Variants in TRIOBP observed in about 807,000 individuals in gnomAD.
TRIOBP encodes the protein TRIO and F-actin-binding protein.
TRIOBP carries 169 observed loss-of-function variants against 238.8 expected under a neutral mutation model. That is an observed-to-expected ratio of 0.71 (90% CI 0.62 to 0.80). The LOEUF is 0.80. TRIOBP is among the 30% of genes least tolerant of loss of function. The pLI, the probability that TRIOBP is intolerant of heterozygous loss-of-function variation, is 0.00. For missense variants in TRIOBP, 2,838 were observed against 3,122.6 expected, an observed-to-expected ratio of 0.91 and a Z score of 2.17; for synonymous variants, 1,150 against 1,274.4, an observed-to-expected ratio of 0.90 and a Z score of 2.08.
chr22:37,772,607 C>T lies in TRIOBP; in HGVS notation c.6943C>T (p.Arg2315Cys), dbSNP rs757352919. 5.6e-6 allele frequency: 9 copies of T among 1,613,934 alleles called. No individual in the cohort carries two copies. Among genetic ancestry groups the T allele is most frequent in the African/African-American group, 4.0e-5 (3 of 74,906 alleles). ...CCTGCCTCCTGCCCCCCAGGACAAG[C>T]GCTTCACCTCGGGAAAGTACCAGGA... Reference protein sequence around the residue: ...DELQMMQKDKRFTSGKYQDVY... With the variant: ...DELQMMQKDKCFTSGKYQDVY... Residue 2315 changes from arginine (R) to cysteine (C), a missense_variant, in exon 23 of 24, where the codon CGC becomes TGC. This residue lies in a region of TRIOBP where 2,096 missense variants were observed against 2,137.4 expected (regional missense o/e 0.98). Coordinates refer to ENST00000644935, the MANE Select transcript of TRIOBP (RefSeq NM_001039141.3).
chr22:37,726,306 G>C lies in TRIOBP; in HGVS notation c.3750G>C (p.Gly1250=), dbSNP rs771148338. Residue 1250 remains glycine, a synonymous_variant, in exon 7 of 24, where the codon GGG becomes GGC. Coordinates refer to ENST00000644935, the MANE Select transcript of TRIOBP (RefSeq NM_001039141.3). ...CCTCACCTTCACCGGGCAGCTCTGGGGGCTCCCGGGGCTCAGCGCCTCCCG... is the reference window on the plus strand; with the variant it reads ...CCTCACCTTCACCGGGCAGCTCTGGCGGCTCCCGGGGCTCAGCGCCTCCCG... The part of the protein sequence containing the change: ...LAPSPSPGSS[G]GSRGSAPPGE... The C allele has an allele frequency of 6.2e-7, 1 of 1,612,772 alleles. No individual in the cohort carries two copies. The highest frequency in any genetic ancestry group is 8.5e-7 in the Non-Finnish European group (1 of 1,179,920).
intron 17 of TRIOBP, among the ~76,000 whole-genome samples, chr22:37,760,922 A>G (rs1926208343): frequency 6.6e-6 from 1 of 151,346 alleles, no homozygotes. Context: ...CAGTGAGCCG[A>G]GATTGCGCCA....
At chr22:37,758,749 T>G (rs1467077618) in intron 16 of TRIOBP, among the ~76,000 whole-genome samples, 3 of 151,894 alleles carry the variant, frequency 2.0e-5, no homozygotes, top group Non-Finnish European at 4.4e-5. Context: ...GTGGCCTCCC[T>G]GCCTGCACTG....
Position 37,726,520 on chromosome 22 carries a change from G to A in TRIOBP, c.3947+17G>A. On this transcript the variant is annotated intron_variant, in intron 7 of 23. Coordinates refer to ENST00000644935, the MANE Select transcript of TRIOBP (RefSeq NM_001039141.3). ...AGAGCGCAGGTGAGCCCGGGGGTGG[G>A]GTCAGCCAGGTGGGCTGGGGAGGAG... 6.8e-7 allele frequency: 1 copy of A among 1,462,118 alleles called. No individual in the cohort carries two copies. Among genetic ancestry groups the A allele is most frequent in the Non-Finnish European group, 9.0e-7 (1 of 1,113,162 alleles). 90.6% of individuals were successfully genotyped at this position (1,462,118 alleles called of 1,614,324 possible). A position where few individuals can be genotyped will look rare whatever the true frequency, so the allele number is the denominator to read the frequency against.
chr22:37,751,471 T>G, intron 11 of TRIOBP: 1 of 469,386 alleles, frequency 2.1e-6, no homozygotes. Context: ...CTCTCTCCCA[T>G]TCTTGGGCGA....
At chr22:37,737,883 C>T (rs1014345709) in intron 9 of TRIOBP, among the ~76,000 whole-genome samples, 6 of 152,212 alleles carry the variant, frequency 3.9e-5, no homozygotes, top group African/African-American at 1.2e-4. Context: ...ACAGTCACTC[C>T]TAGTAATGGT....
At chr22:37,720,832 A>G (rs140760332) in intron 6 of TRIOBP, among the ~76,000 whole-genome samples, 1,667 of 152,030 alleles carry the variant, frequency 0.011, 20 homozygotes, top group Non-Finnish European at 0.015. Context: ...TTAGAATGCC[A>G]TGGGACATCA....
At position 37,755,594 on chromosome 22, in the gene TRIOBP, C is replaced by T. The variant is rs369391552; in HGVS notation, c.5622C>T (p.Ile1874=). Residue 1874 remains isoleucine (I), a synonymous_variant, in exon 15 of 24, where the codon ATC becomes ATT. Coordinates refer to ENST00000644935, the MANE Select transcript of TRIOBP (RefSeq NM_001039141.3). ...CCTTGTCGGCCATGACCTCAGGCAT[C>T]CGGCGGAACTGGATCGAGGCTCTGA... ...VYTLSAMTSG[I]RRNWIEALRK... is the part of the protein sequence containing the mutation. The T allele has an allele frequency of 1.2e-6, 2 of 1,613,950 alleles. No individual in the cohort carries two copies. Among genetic ancestry groups the T allele is most frequent in the African/African-American group, 2.7e-5 (2 of 74,904 alleles).
Position 37,723,445 on chromosome 22 carries a change from C to T in TRIOBP, c.889C>T (p.Gln297Ter), listed in dbSNP as rs118204028. ...RDTSRASSTQ[Q>*]EISRASSTQQ... ...CACCTCCAGGGCCTCATCCACCCAA[C>T]AGGAAATCTCCAGGGCCTCATCCAC... The change falls in exon 7 of 24, where the codon CAG becomes TAG. Residue 297 changes from glutamine (Q) to a stop codon, truncating the protein, a stop_gained. Coordinates refer to ENST00000644935, the MANE Select transcript of TRIOBP (RefSeq NM_001039141.3). LOFTEE classifies it high-confidence loss of function. 1 of 1,612,730 alleles carries T rather than the reference C, an allele frequency of 6.2e-7. No individual in the cohort carries two copies. Among genetic ancestry groups the T allele is most frequent in the Non-Finnish European group, 8.5e-7 (1 of 1,179,552 alleles).
chr22:37,707,173 G>C (rs1286235463), intron 3 of TRIOBP, among the ~76,000 whole-genome samples: 2 of 152,188 alleles, frequency 1.3e-5, no homozygotes, highest in African/African-American at 4.8e-5. Flanking sequence ...CTACTCGGGA[G>C]GCTGAGGCAG....
chr22:37,746,619 T>C (rs1420332334), intron 11 of TRIOBP, among the ~76,000 whole-genome samples: 1 of 152,082 alleles, frequency 6.6e-6, no homozygotes, highest in African/African-American at 2.4e-5. Context: ...CCTCCTCGCC[T>C]TCCCTCGCCC....
At chr22:37,727,670 A>G (rs1201313724) in intron 7 of TRIOBP, among the ~76,000 whole-genome samples, 1 of 152,088 alleles carries the variant, frequency 6.6e-6, no homozygotes, top group Non-Finnish European at 1.5e-5. Context: ...TCCATCTAAA[A>G]ATAAAAATAA....
At chr22:37,773,459 A>G (rs1289399895) in intron 23 of TRIOBP, among the ~76,000 whole-genome samples, 3 of 152,054 alleles carry the variant, frequency 2.0e-5, no homozygotes, top group East Asian at 1.9e-4. Context: ...GGCTCAAGCA[A>G]TACACCTGCC....
At position 37,772,674 on chromosome 22, in the gene TRIOBP, G is replaced by A. The variant is rs200850285; in HGVS notation, c.7010G>A (p.Arg2337Gln). The part of the protein sequence containing the change: ...ELSHIKTRSE[R>Q]EIEQLKEHLR... ...AGCCACATCAAGACACGGTCTGAGCGGGAGATCGAGCAGCTGAAGGAGCAC... is the reference window on the plus strand; with the variant it reads ...AGCCACATCAAGACACGGTCTGAGCAGGAGATCGAGCAGCTGAAGGAGCAC... Residue 2337 changes from arginine to glutamine, a missense_variant, in exon 23 of 24, where the codon CGG becomes CAG. Around this residue, in one of 5 missense-constraint regions of TRIOBP, gnomAD observed 2,096 missense variants for 2,137.4 expected, o/e 0.98. Transcript: ENST00000644935. 88 of 1,614,016 alleles carry A rather than the reference G, an allele frequency of 5.5e-5. No individual in the cohort carries two copies. The highest frequency in any genetic ancestry group is 1.6e-4 in the Middle Eastern group (1 of 6,084).
chr22:37,721,239 C>G (rs762471089), intron 6 of TRIOBP, among the ~76,000 whole-genome samples: 1 of 152,026 alleles, frequency 6.6e-6, no homozygotes, highest in Non-Finnish European at 1.5e-5. Context: ...TCTCGAACTC[C>G]TGACCTCAGA....
intron 3 of TRIOBP, among the ~76,000 whole-genome samples, chr22:37,709,680 TG>T (rs896574047): frequency 2.0e-5 from 3 of 151,650 alleles, no homozygotes; most frequent in Non-Finnish European, 4.4e-5. Context: ...GGGGAGGAAT[TG>T]GGGGGGGCCC....
intron 7 of TRIOBP, among the ~76,000 whole-genome samples, chr22:37,731,339 A>T (rs1404726756): frequency 1.3e-5 from 2 of 151,814 alleles, no homozygotes; most frequent in African/African-American, 2.4e-5. Flanking sequence ...ACAAGGTCTC[A>T]TTCTGTTGCC....
chr22:37,737,591 G>T (rs1363939600), intron 9 of TRIOBP, among the ~76,000 whole-genome samples: 1 of 150,934 alleles, frequency 6.6e-6, no homozygotes, highest in Non-Finnish European at 1.5e-5. Context: ...AACCCGGGAG[G>T]TGGAAGTTGC....
At chr22:37,723,124 T>G (rs1300641311) in intron 6 of TRIOBP, 61 bp from the exon 7 acceptor site, 2 of 1,571,052 alleles carry the variant, frequency 1.3e-6, no homozygotes, top group African/African-American at 2.7e-5. Flanking sequence ...CAAAGAAAGG[T>G]AGAATATGAG....
Sources: gnomAD v4.1 joint callset for allele counts (sites outside exome capture counted in the v4.1 genomes callset) on GRCh38, gnomAD v4.1.1 for gene constraint, gnomAD v4.1.1 regional missense constraint, MANE v1.5 for transcripts, NCBI Gene and HGNC (gene_info 2026-07-23, HGNC 2026-07-21) for gene names.